The following MYO5C variants were observed in gnomAD, a reference collection of about 807,000 sequenced individuals.
The protein encoded by MYO5C is unconventional myosin-Vc.
In MYO5C, 194 loss-of-function variants were observed where a neutral mutation model predicts 235.7. That is an observed-to-expected ratio of 0.82 (90% confidence interval 0.73 to 0.93). The LOEUF is 0.93. Among genes scored for constraint, MYO5C ranks in the 40% least tolerant of loss-of-function variants. MYO5C has a pLI of 0.00. For synonymous variants in MYO5C, 707 were observed against 754.8 expected (o/e 0.94, Z 1.04); for missense variants, 2,038 against 2,127.2 (o/e 0.96, Z 0.82).
intron 5 of MYO5C, 128 bp downstream of exon 5, chr15:52,275,434 G>A (rs11854890): frequency 0.65 from 744,985 of 1,141,556 alleles, 260,267 homozygotes; most frequent in Non-Finnish European, 0.72. Flanking sequence ...TAGGCTTCCC[G>A]GGTCTTTCCT....
At chr15:52,256,342 A>G (rs2036576959) in intron 11 of MYO5C, among the ~76,000 whole-genome samples, 1 of 152,144 alleles carries the variant, frequency 6.6e-6, no homozygotes. Context: ...AAGAAAGTGG[A>G]GGCCTCAGGC....
At chr15:52,214,492 T>G in intron 33 of MYO5C, 111 bp downstream of exon 33, 1 of 818,304 alleles carries the variant, frequency 1.2e-6, no homozygotes, top group Non-Finnish European at 1.9e-6. Context: ...ACCTCACCAC[T>G]TGAGAATCAT....
intron 1 of MYO5C, among the ~76,000 whole-genome samples, chr15:52,286,526 A>G (rs1416491043): frequency 1.3e-5 from 2 of 152,164 alleles, no homozygotes; most frequent in African/African-American, 4.8e-5. Context: ...AAAGATTGAG[A>G]AATCGGATGG....
intron 10 of MYO5C, among the ~76,000 whole-genome samples, chr15:52,259,359 G>A (rs1439769292): frequency 6.7e-6 from 1 of 149,072 alleles, no homozygotes; most frequent in African/African-American, 2.5e-5. Context: ...GGCAGAGGTT[G>A]CAGTGAGCCG....
At chr15:52,258,709 A>AT (rs923643013) in intron 10 of MYO5C, among the ~76,000 whole-genome samples, 1 of 152,156 alleles carries the variant, frequency 6.6e-6, no homozygotes, top group Non-Finnish European at 1.5e-5. Context: ...AGGAAAGCTG[A>AT]TTTTTTTGGA....
At position 52,214,692 on chromosome 15, in the gene MYO5C, T is replaced by C. The variant is rs1162031289; in HGVS notation, c.3955-2A>G. On this transcript the variant is annotated splice_acceptor_variant, in intron 32 of 40. Transcript: ENST00000261839. LOFTEE classifies it high-confidence loss of function. ...CATGTCTAATTCTTCTTCAAGATCCTACAGCAATAAAAAGAAACCAGGATT... is the reference window on the plus strand; with the variant it reads ...CATGTCTAATTCTTCTTCAAGATCCCACAGCAATAAAAAGAAACCAGGATT... 1.9e-6 allele frequency: 3 copies of C among 1,582,686 alleles called. No individual in the cohort carries two copies. Among genetic ancestry groups the C allele is most frequent in the South Asian group, 1.2e-5 (1 of 85,042 alleles).
rs1262391506 is a variant in MYO5C at position 52,193,230 on chromosome 15, T to C, written c.*672A>G. On this transcript the variant is annotated 3_prime_UTR_variant, in exon 41 of 41. Transcript: ENST00000261839. ...CAGGAGGCTGAGGCAGGAGAATTGT[T>C]TGAACCCAGGAAGCGGAGGTTGCAA... 6.6e-5 allele frequency: 10 copies of C among 151,416 alleles called. No homozygotes were observed. In the South Asian group the frequency reaches 1.9e-3, roughly 28 times the overall value. 9.4% of individuals were successfully genotyped at this position (151,416 alleles called of 1,614,324 possible). A position where few individuals can be genotyped will look rare whatever the true frequency, so the allele number is the denominator to read the frequency against.
intron 8 of MYO5C, 108 bp downstream of exon 8, chr15:52,269,645 C>A (rs1402322560): frequency 1.1e-5 from 8 of 699,332 alleles, no homozygotes; most frequent in East Asian, 5.2e-5. Flanking sequence ...CCCACCTCAG[C>A]CTCCCAAAGT....
In MYO5C at chr15:52,211,735, C is replaced by G; in HGVS notation, c.4291G>C (p.Val1431Leu). The change falls in exon 35 of 41, where the codon GTT (valine) becomes CTT (leucine). Residue 1431 changes from valine to leucine, a missense_variant. Val to Leu is a conservative substitution (Grantham distance 32, BLOSUM62 1). Transcript: ENST00000261839. ...ATGTCAAAGGCATTTCCTACCTTAA[C>G]CACCTGCTTGATGCCATTAATGGTG... ...NSTINGIKQV[V>L]KEHLEDFEML... 6.2e-7 allele frequency: 1 copy of G among 1,613,510 alleles called. No homozygotes were observed. The highest frequency in any genetic ancestry group is 8.5e-7 in the Non-Finnish European group (1 of 1,179,616).
At position 52,223,594 on chromosome 15, in the gene MYO5C, T is replaced by A; in HGVS notation, c.3577A>T (p.Ile1193Phe). 6.2e-7 allele frequency: 1 copy of A among 1,614,220 alleles called. No homozygotes were observed. The highest frequency in any genetic ancestry group is 2.2e-5 in the East Asian group (1 of 44,886). Residue 1193 changes from isoleucine to phenylalanine, a missense_variant, in exon 29 of 41, where the codon ATC becomes TTC. Coordinates refer to ENST00000261839, the MANE Select transcript of MYO5C (RefSeq NM_018728.4). ...ACTTCATGACGGATGCTTTCATTGA[T>A]GTCATTTTCTTCTCTGAATAACTTC... ...LQKLFREEND[I>F]NESIRHEVTR...
chr15:52,250,503 C>G (rs2036448617), intron 13 of MYO5C, among the ~76,000 whole-genome samples: 1 of 152,136 alleles, frequency 6.6e-6, no homozygotes, highest in African/African-American at 2.4e-5. Context: ...CTCAGCCTCC[C>G]AAAGTGCTGG....
intron 33 of MYO5C, among the ~76,000 whole-genome samples, chr15:52,213,875 G>A (rs953020482): frequency 6.6e-6 from 1 of 152,214 alleles, no homozygotes; most frequent in African/African-American, 2.4e-5. Context: ...TGCTCTCATG[G>A]GGCAGACTGC....
At position 52,242,146 on chromosome 15, in the gene MYO5C, C is replaced by G. The variant is rs576031466; in HGVS notation, c.2458G>C (p.Gly820Arg). Reference sequence around the variant, plus strand: ...TGATACAGGCTGCGAACAAGATACCCGCGGCAGTGCTTCTGAATGATTATG... The same window carrying G: ...TGATACAGGCTGCGAACAAGATACCGGCGGCAGTGCTTCTGAATGATTATG... Reference protein sequence around the residue: ...AAIIIQKHCRGYLVRSLYQLI... With the variant: ...AAIIIQKHCRRYLVRSLYQLI... The change falls in exon 20 of 41, where the codon GGG (glycine) becomes CGG (arginine). Residue 820 changes from glycine (G) to arginine (R), a missense_variant. Transcript: ENST00000261839. 1 of 1,614,178 alleles carries G rather than the reference C, an allele frequency of 6.2e-7. No homozygotes were observed. Among genetic ancestry groups the G allele is most frequent in the African/African-American group, 1.3e-5 (1 of 75,052 alleles).
At chr15:52,264,392 A>G (rs897118947) in intron 8 of MYO5C, 96 bp from the exon 9 acceptor site, 3 of 963,212 alleles carry the variant, frequency 3.1e-6, no homozygotes, top group Non-Finnish European at 4.7e-6. Context: ...AGGTAGCATC[A>G]GTGCCAAGCT....
intron 1 of MYO5C, among the ~76,000 whole-genome samples, chr15:52,289,354 A>G (rs754617041): frequency 3.3e-5 from 5 of 151,956 alleles, no homozygotes; most frequent in Non-Finnish European, 7.4e-5. Context: ...CACATTTCCA[A>G]TTGCCTCCAA....
chr15:52,284,120 T>C (rs1031281070), intron 1 of MYO5C, among the ~76,000 whole-genome samples: 4 of 151,616 alleles, frequency 2.6e-5, no homozygotes, highest in Non-Finnish European at 4.4e-5. Context: ...CCTCAAAGAA[T>C]GGTACATAAA....
intron 32 of MYO5C, among the ~76,000 whole-genome samples, chr15:52,217,145 C>T (rs536214029): frequency 3.3e-5 from 5 of 152,268 alleles, no homozygotes; most frequent in Non-Finnish European, 5.9e-5. Flanking sequence ...GGGTAGAATC[C>T]GCCGGCTAAT....
intron 18 of MYO5C, 95 bp from the exon 19 acceptor site, chr15:52,244,662 G>T: frequency 1.2e-6 from 1 of 806,682 alleles, no homozygotes; most frequent in Non-Finnish European, 1.9e-6. Context: ...AAAGGTGCCA[G>T]AAATATTGTG....
At chr15:52,245,500 C>T in intron 17 of MYO5C, 35 bp from the exon 18 acceptor site, 1 of 1,463,158 alleles carries the variant, frequency 6.8e-7, no homozygotes, top group Non-Finnish European at 9.6e-7. Context: ...CCAGGAGTGT[C>T]AGAGGAAGCA....
Sources: allele counts gnomAD v4.1 joint callset (sites outside exome capture counted in the v4.1 genomes callset), GRCh38; gene constraint gnomAD v4.1.1; transcripts MANE v1.5; gene names NCBI Gene and HGNC (gene_info 2026-07-23, HGNC 2026-07-21).